CDH12: variants seen among roughly 807,000 people sequenced by gnomAD.
The protein encoded by CDH12 is cadherin-12.
Under a neutral mutation model 74.1 loss-of-function variants are expected in CDH12, and 41 were observed. That is an observed-to-expected ratio of 0.55 (90% CI 0.43 to 0.72). The LOEUF (loss-of-function observed/expected upper bound fraction) is 0.72. Among genes scored for constraint, CDH12 ranks in the 30% least tolerant of loss-of-function variants. The pLI is 0.00. For synonymous variants in CDH12, 399 were observed against 355.0 expected, an observed-to-expected ratio of 1.12 and a Z score of -1.39; for missense variants, 945 against 977.2, an observed-to-expected ratio of 0.97 and a Z score of 0.44.
chr5:21,926,463 A>G (rs576660164), intron 6 of CDH12, among the ~76,000 whole-genome samples: 1 of 152,108 alleles, frequency 6.6e-6, no homozygotes, highest in South Asian at 2.1e-4. Context: ...ATATCTATCT[A>G]TCTCTACCTC....
chr5:22,341,126 T>G (rs1739829168), intron 3 of CDH12, among the ~76,000 whole-genome samples: 1 of 152,206 alleles, frequency 6.6e-6, no homozygotes, highest in Admixed American at 6.5e-5. Context: ...TTTTAAGAAC[T>G]GCTTAATTTC....
chr5:22,640,477 C>T (rs10520879), intron 1 of CDH12, among the ~76,000 whole-genome samples: 7,047 of 152,184 alleles, frequency 0.046, 225 homozygotes, highest in Non-Finnish European at 0.063. Flanking sequence ...TACTTCTTTG[C>T]CCTAATCGCA....
At chr5:22,064,199 G>T (rs1167593574) in intron 5 of CDH12, among the ~76,000 whole-genome samples, 1 of 152,108 alleles carries the variant, frequency 6.6e-6, no homozygotes, top group African/African-American at 2.4e-5. Flanking sequence ...CACATATCTG[G>T]AAGATTGACT....
At chr5:22,556,734 C>T (rs1738819246) in intron 1 of CDH12, among the ~76,000 whole-genome samples, 1 of 151,952 alleles carries the variant, frequency 6.6e-6, no homozygotes. Flanking sequence ...TCATCTTGAC[C>T]ATAGGTCCTT....
chr5:22,750,542 G>A (rs1205571653), intron 1 of CDH12, among the ~76,000 whole-genome samples: 1 of 152,114 alleles, frequency 6.6e-6, no homozygotes, highest in Admixed American at 6.6e-5. Flanking sequence ...CAAGGTGTGA[G>A]ATATGGTACT....
Position 22,511,160 on chromosome 5 carries a change from G to C in CDH12, c.-522-5796C>G, listed in dbSNP as rs1191092622. 1.3e-5 allele frequency among the ~76,000 whole-genome samples: 2 copies of C among 152,138 alleles called. 1 individual carries two copies. Among genetic ancestry groups the C allele is most frequent in the Admixed American group, 1.3e-4 (2 of 15,276 alleles). On this transcript the variant is annotated intron_variant, in intron 1 of 14. Coordinates refer to ENST00000382254, the MANE Select transcript of CDH12 (RefSeq NM_004061.5). ...TCTACCTGCCTCGGCCTCCCAAAGT[G>C]CTGGGATTAGAGGCGTGAGCCACCA...
chr5:22,447,386 C>G (rs1212582992), intron 2 of CDH12, among the ~76,000 whole-genome samples: 1 of 151,972 alleles, frequency 6.6e-6, no homozygotes, highest in African/African-American at 2.4e-5. Context: ...CTTTCAGTAA[C>G]AGATCAAAGT....
intron 1 of CDH12, among the ~76,000 whole-genome samples, chr5:22,583,312 G>T (rs1220073298): frequency 1.3e-5 from 2 of 152,220 alleles, no homozygotes; most frequent in East Asian, 1.9e-4. Context: ...AACACAAAAT[G>T]AGTCAAATTA....
chr5:21,791,521 G>A (rs183634182), intron 10 of CDH12, among the ~76,000 whole-genome samples: 1 of 151,998 alleles, frequency 6.6e-6, no homozygotes, highest in East Asian at 1.9e-4. Context: ...CCTAACAGAT[G>A]AGTTTCAATG....
rs78223964 is a variant in CDH12 at position 22,203,691 on chromosome 5, T to C, written c.-187+8807A>G. On this transcript the variant is annotated intron_variant, in intron 4 of 14. Coordinates refer to ENST00000382254, the MANE Select transcript of CDH12 (RefSeq NM_004061.5). ...TTCCTACTCTTGCCTATAATGACTG[T>C]ACTAGTTTACATTCTCACCAACAGC... Among the ~76,000 whole-genome samples the C allele has an allele frequency of 6.7e-3, 1,017 of 152,348 alleles. 34 individuals carry two copies. The East Asian group carries it at 0.099, about 15-fold the overall frequency.
chr5:22,777,618 G>A (rs904152978), intron 1 of CDH12, among the ~76,000 whole-genome samples: 4 of 151,612 alleles, frequency 2.6e-5, no homozygotes, highest in East Asian at 3.9e-4. Context: ...GTGTGTGTGC[G>A]CTTGTGTGTG....
chr5:21,965,227 C>T (rs922453360), intron 6 of CDH12, among the ~76,000 whole-genome samples: 2 of 151,906 alleles, frequency 1.3e-5, no homozygotes, highest in South Asian at 2.1e-4. Flanking sequence ...GCTAAGTTTT[C>T]GTGATGCCAA....
At chr5:22,015,281 A>T (rs1737534650) in intron 5 of CDH12, among the ~76,000 whole-genome samples, 1 of 152,114 alleles carries the variant, frequency 6.6e-6, no homozygotes, top group African/African-American at 2.4e-5. Context: ...TTTTGTACAC[A>T]TTTCTATTTG....
At chr5:22,243,341 A>C (rs996629369) in intron 3 of CDH12, among the ~76,000 whole-genome samples, 1 of 152,176 alleles carries the variant, frequency 6.6e-6, no homozygotes, top group African/African-American at 2.4e-5. Context: ...TGCTAACCTA[A>C]CTAAACAAAT....
intron 1 of CDH12, among the ~76,000 whole-genome samples, chr5:22,544,132 CT>C (rs566827353): frequency 5.6e-5 from 8 of 143,740 alleles, no homozygotes; most frequent in East Asian, 2.0e-4. Flanking sequence ...GCATCATTTA[CT>C]TTTTTTTTTA....
chr5:22,305,543 A>T (rs1738067826), intron 3 of CDH12, among the ~76,000 whole-genome samples: 1 of 149,440 alleles, frequency 6.7e-6, no homozygotes, highest in South Asian at 2.2e-4. Flanking sequence ...CCATCTTCAG[A>T]TGGTCCTTGG....
intron 5 of CDH12, among the ~76,000 whole-genome samples, chr5:21,985,729 C>T (rs1028337104): frequency 6.6e-6 from 1 of 152,070 alleles, no homozygotes; most frequent in African/African-American, 2.4e-5. Context: ...CTTAGTGTTT[C>T]CTTTTTTGAA....
intron 2 of CDH12, among the ~76,000 whole-genome samples, chr5:22,489,766 C>T (rs566621781): frequency 6.8e-6 from 1 of 146,562 alleles, no homozygotes; most frequent in Non-Finnish European, 1.5e-5. Context: ...CGGTTCATTG[C>T]AGCCTCAACC....
At chr5:22,729,336 T>A (rs527253085) in intron 1 of CDH12, among the ~76,000 whole-genome samples, 6 of 151,878 alleles carry the variant, frequency 4.0e-5, no homozygotes, top group Non-Finnish European at 7.4e-5. Context: ...CAGGGCATGA[T>A]GAATCCCTCT....
Sources: allele counts gnomAD v4.1 joint callset (sites outside exome capture counted in the v4.1 genomes callset), GRCh38; gene constraint gnomAD v4.1.1; transcripts MANE v1.5; gene names NCBI Gene and HGNC (gene_info 2026-07-23, HGNC 2026-07-21).